PDE3B: variants seen among roughly 807,000 people sequenced by gnomAD.
PDE3B encodes cGMP-inhibited 3',5'-cyclic phosphodiesterase 3B.
PDE3B carries 66 observed loss-of-function variants against 116.8 expected under a neutral mutation model. The observed-to-expected ratio is 0.56, with a 90% CI of 0.46 to 0.69. PDE3B has a LOEUF of 0.69. Ranked by LOEUF, PDE3B falls within the 30% of genes least tolerant of loss-of-function variation. PDE3B has a pLI of 0.00. For synonymous variants in PDE3B, 595 were observed against 533.6 expected, an observed-to-expected ratio of 1.12 and a Z score of -1.59; for missense variants, 1,384 against 1,368.1, an observed-to-expected ratio of 1.01 and a Z score of -0.18.
intron 1 of PDE3B, among the ~76,000 whole-genome samples, chr11:14,660,853 G>C (rs550932022): frequency 6.6e-6 from 1 of 152,226 alleles, no homozygotes; most frequent in East Asian, 1.9e-4. Flanking sequence ...CTGAAGATAA[G>C]AATTTTTGCC....
chr11:14,872,327 T>C (rs1848152164), downstream of PDE3B, among the ~76,000 whole-genome samples: 1 of 152,130 alleles, frequency 6.6e-6, no homozygotes, highest in Admixed American at 6.6e-5. Flanking sequence ...GAATCACTTC[T>C]CAAAGGAAGG....
intron 12 of PDE3B, among the ~76,000 whole-genome samples, chr11:14,844,476 C>G (rs1847545339): frequency 6.6e-6 from 1 of 152,208 alleles, no homozygotes; most frequent in African/African-American, 2.4e-5. Flanking sequence ...GAGTGCCAGA[C>G]AGTGGGCACA....
chr11:14,712,596 T>A (rs1459063640), intron 1 of PDE3B, among the ~76,000 whole-genome samples: 2 of 147,478 alleles, frequency 1.4e-5, no homozygotes, highest in Non-Finnish European at 3.0e-5. Flanking sequence ...TGCCTCAGCC[T>A]CCCGAGTAGC....
At chr11:14,785,323 G>A (rs2133914806) in intron 2 of PDE3B, among the ~76,000 whole-genome samples, 1 of 152,110 alleles carries the variant, frequency 6.6e-6, no homozygotes. Context: ...GTTGGGCTAT[G>A]CCCTGGTATC....
At chr11:14,708,321 A>C (rs1344341558) in intron 1 of PDE3B, among the ~76,000 whole-genome samples, 1 of 152,080 alleles carries the variant, frequency 6.6e-6, no homozygotes, top group Non-Finnish European at 1.5e-5. Flanking sequence ...GCAGATGTCC[A>C]TTCTTGAACT....
intron 1 of PDE3B, among the ~76,000 whole-genome samples, chr11:14,689,897 C>G (rs986161752): frequency 2.0e-5 from 3 of 152,162 alleles, no homozygotes; most frequent in Admixed American, 6.5e-5. Context: ...TTCTGACTTA[C>G]CCTCATGTCA....
chr11:14,842,373 C>G (rs1590186511), intron 11 of PDE3B, among the ~76,000 whole-genome samples: 1 of 151,940 alleles, frequency 6.6e-6, no homozygotes, highest in Non-Finnish European at 1.5e-5. Flanking sequence ...CAAGTAATTA[C>G]TGAATTTAAA....
chr11:14,649,092 T>C (rs192953027), intron 1 of PDE3B, among the ~76,000 whole-genome samples: 4 of 152,332 alleles, frequency 2.6e-5, no homozygotes, highest in Admixed American at 2.6e-4. Context: ...AATTTGTTTT[T>C]ATACACTTAG....
intron 4 of PDE3B, among the ~76,000 whole-genome samples, chr11:14,796,393 G>T (rs1858554950): frequency 6.6e-6 from 1 of 152,130 alleles, no homozygotes; most frequent in African/African-American, 2.4e-5. Flanking sequence ...CCCAGTAATG[G>T]GATTGCTGAG....
At chr11:14,653,639 C>T (rs773249124) in intron 1 of PDE3B, among the ~76,000 whole-genome samples, 1 of 151,542 alleles carries the variant, frequency 6.6e-6, no homozygotes, top group Non-Finnish European at 1.5e-5. Flanking sequence ...TATAAAAACA[C>T]GTTTATTATG....
At chr11:14,673,954 T>C in intron 1 of PDE3B, 1 of 1,359,956 alleles carries the variant, frequency 7.4e-7, no homozygotes, top group East Asian at 2.3e-5. Flanking sequence ...CCAGATTTCT[T>C]GTAATTTGCG....
chr11:14,859,701 C>T (rs1287439750), intron 13 of PDE3B, among the ~76,000 whole-genome samples: 2 of 152,270 alleles, frequency 1.3e-5, no homozygotes, highest in East Asian at 3.9e-4. Flanking sequence ...GATTCTTTAG[C>T]TGGCTAGTTT....
At chr11:14,891,521 C>A in the PDE3B span, 1 of 996,352 alleles carries the variant, frequency 1.0e-6, no homozygotes, top group Non-Finnish European at 1.2e-6. Context: ...ACTGCAGACA[C>A]CGAAGAACCT....
chr11:14,852,864 C>A (rs1477579000), intron 12 of PDE3B, among the ~76,000 whole-genome samples: 1 of 152,022 alleles, frequency 6.6e-6, no homozygotes, highest in African/African-American at 2.4e-5. Flanking sequence ...AGTTTGAGAC[C>A]AATCTGGGCA....
intron 11 of PDE3B, among the ~76,000 whole-genome samples, chr11:14,842,582 A>T (rs1412034066): frequency 1.3e-5 from 2 of 152,206 alleles, no homozygotes; most frequent in East Asian, 3.8e-4. Flanking sequence ...ATTATTTAAA[A>T]AATAGCTCTA....
chr11:14,896,205 T>C, the PDE3B span, among the ~76,000 whole-genome samples: 1 of 152,190 alleles, frequency 6.6e-6, no homozygotes, highest in Non-Finnish European at 1.5e-5. Context: ...TAGAAATGCA[T>C]GAACACTTCA....
intron 5 of PDE3B, among the ~76,000 whole-genome samples, chr11:14,812,613 A>G (rs61325178): frequency 0.012 from 1,833 of 152,326 alleles, 31 homozygotes; most frequent in African/African-American, 0.042. Context: ...CAAAAAGATT[A>G]CACTGATACA....
the PDE3B span, among the ~76,000 whole-genome samples, chr11:14,898,826 T>C: frequency 1.2e-4 from 18 of 148,614 alleles, no homozygotes; most frequent in East Asian, 3.5e-3. Context: ...TGCTTGCTTC[T>C]TTTTTTTTTA....
At chr11:14,819,740 A>AT (rs201675972) in intron 7 of PDE3B, among the ~76,000 whole-genome samples, 2,136 of 152,270 alleles carry the variant, frequency 0.014, 20 homozygotes, top group Non-Finnish European at 0.023. Context: ...TGGATGAATT[A>AT]TTTTTTTAAA....
Sources: allele counts gnomAD v4.1 joint callset (sites outside exome capture counted in the v4.1 genomes callset), GRCh38; gene constraint gnomAD v4.1.1; transcripts MANE v1.5; gene names NCBI Gene and HGNC (gene_info 2026-07-23, HGNC 2026-07-21).